The following OR52N4 variants were observed in gnomAD, a reference collection of about 807,000 sequenced individuals.
OR52N4 encodes olfactory receptor family 52 subfamily N member 4.
Under a neutral mutation model 15.0 loss-of-function variants are expected in OR52N4, and 15 were observed. That is an observed-to-expected ratio of 1.00 (90% confidence interval 0.67 to 1.54). The LOEUF is 1.54. Among genes scored for constraint, OR52N4 ranks in the 40% most tolerant of loss-of-function variants. The probability of loss-of-function intolerance (pLI) is 0.00; values close to 1 mark genes in which losing one functional copy is unlikely to be tolerated. For synonymous variants in OR52N4, 143 were observed against 143.7 expected (o/e 1.00, Z 0.03); for missense variants, 421 against 394.0 (o/e 1.07, Z -0.58).
chr11:5,736,479 G>C, the OR52N4 span: 1 of 1,597,474 alleles, frequency 6.3e-7, no homozygotes. Flanking sequence ...TGATAACTGA[G>C]AACAATACAA....
chr11:5,746,498 T>C, the OR52N4 span, among the ~76,000 whole-genome samples: 1 of 152,110 alleles, frequency 6.6e-6, no homozygotes, highest in East Asian at 1.9e-4. Context: ...CACAAACATA[T>C]GTATATGCTC....
chr11:5,743,256 G>A, the OR52N4 span, among the ~76,000 whole-genome samples: 16 of 152,212 alleles, frequency 1.1e-4, no homozygotes, highest in East Asian at 3.1e-3. Context: ...TTGGACCTAA[G>A]TAAAGTGGTA....
the OR52N4 span, among the ~76,000 whole-genome samples, chr11:5,746,395 A>G: frequency 1.3e-5 from 2 of 152,216 alleles, no homozygotes; most frequent in African/African-American, 4.8e-5. Flanking sequence ...TTGGCAAAGT[A>G]TGCATCTAAC....
the OR52N4 span, among the ~76,000 whole-genome samples, chr11:5,741,261 A>G: frequency 1.3e-5 from 2 of 152,204 alleles, no homozygotes; most frequent in Non-Finnish European, 2.9e-5. Flanking sequence ...AATCAAGAGG[A>G]TAAGATCTTA....
At chr11:5,746,251 C>T in the OR52N4 span, among the ~76,000 whole-genome samples, 120,232 of 152,118 alleles carry the variant, frequency 0.79, 48,138 homozygotes, top group Non-Finnish European at 0.86. Context: ...AAAGAATTTA[C>T]GAGTAAGTTG....
At chr11:5,754,601 A>T in intron 1 of OR52N4, 92 bp from the exon 2 acceptor site, 2 of 865,322 alleles carry the variant, frequency 2.3e-6, no homozygotes, top group Middle Eastern at 3.5e-4. Flanking sequence ...TTGTTGGACC[A>T]TTAAAATGCA....
chr11:5,735,752 A>G, the OR52N4 span, among the ~76,000 whole-genome samples: 1 of 152,182 alleles, frequency 6.6e-6, no homozygotes, highest in East Asian at 1.9e-4. Context: ...TTGAGCATTG[A>G]ATGGCAATTC....
chr11:5,751,282 G>A (rs1441037621), upstream of OR52N4, among the ~76,000 whole-genome samples: 1 of 151,650 alleles, frequency 6.6e-6, no homozygotes, highest in Non-Finnish European at 1.5e-5. Context: ...AAAATTAGTT[G>A]GAATTATTTC....
Position 5,754,684 on chromosome 11 carries a change from T to TTTTA in OR52N4, c.-48-9_-48-8insTTTA. 6.7e-7 allele frequency: 1 copy of TTTTA among 1,487,990 alleles called. No homozygotes were observed. The highest frequency in any genetic ancestry group is 9.0e-7 in the Non-Finnish European group (1 of 1,112,950). 92.2% of individuals were successfully genotyped at this position (1,487,990 alleles called of 1,614,324 possible). A position where few individuals can be genotyped will look rare whatever the true frequency, so the allele number is the denominator to read the frequency against. On this transcript the variant is annotated splice_polypyrimidine_tract_variant and intron_variant, in intron 1 of 1. Transcript: ENST00000641350. ...CTATATTTTCTCTTGTTTTTTTTTT[T>TTTTA]AACTCTAGGAAAGCCCAGACAAATT... is the stretch of plus-strand genomic sequence containing the variant.
chr11:5,737,150 G>T, the OR52N4 span: 1 of 1,613,948 alleles, frequency 6.2e-7, no homozygotes, highest in Non-Finnish European at 8.5e-7. Context: ...GTTGGTTCTG[G>T]CATGGCTTGG....
At chr11:5,750,041 T>C (rs1254655597), upstream of OR52N4, among the ~76,000 whole-genome samples, 2 of 151,952 alleles carry the variant, frequency 1.3e-5, no homozygotes. Context: ...TAAATTGTTG[T>C]GTAAGCATAA....
At chr11:5,732,108 C>T in the OR52N4 span, among the ~76,000 whole-genome samples, 6 of 152,200 alleles carry the variant, frequency 3.9e-5, no homozygotes, top group South Asian at 1.2e-3. Flanking sequence ...GTGGTCACCA[C>T]GTTGTACAAT....
At chr11:5,737,414 T>C in the OR52N4 span, 4 of 1,614,096 alleles carry the variant, frequency 2.5e-6, no homozygotes, top group East Asian at 6.7e-5. Flanking sequence ...CCCTACAGTT[T>C]ATGCACTTCA....
the OR52N4 span, among the ~76,000 whole-genome samples, chr11:5,748,369 A>G: frequency 1.3e-5 from 2 of 150,164 alleles, no homozygotes; most frequent in Admixed American, 1.4e-4. Flanking sequence ...CATAAAATGG[A>G]TATAATTTAT....
chr11:5,737,382 A>T, the OR52N4 span: 1 of 1,614,102 alleles, frequency 6.2e-7, no homozygotes, highest in Admixed American at 1.7e-5. Context: ...GTGTTGCACA[A>T]CATCATCCCC....
intron 1 of OR52N4, 36 bp from the exon 2 acceptor site, chr11:5,754,657 A>G: frequency 7.2e-7 from 1 of 1,393,396 alleles, no homozygotes; most frequent in Non-Finnish European, 9.7e-7. Context: ...AGTAAAAATA[A>G]CCTATATTTT....
the OR52N4 span, among the ~76,000 whole-genome samples, chr11:5,731,010 G>T: frequency 1.3e-5 from 2 of 152,032 alleles, no homozygotes; most frequent in Non-Finnish European, 2.9e-5. Context: ...TCTGTTCCTT[G>T]TAAGAGTAAG....
the OR52N4 span, among the ~76,000 whole-genome samples, chr11:5,734,595 T>C: frequency 2.3e-4 from 35 of 152,244 alleles, no homozygotes; most frequent in African/African-American, 7.7e-4. Flanking sequence ...AGCTCAAACA[T>C]ACTACTTCTC....
chr11:5,752,443 G>A (rs1255307411), upstream of OR52N4, among the ~76,000 whole-genome samples: 1 of 152,130 alleles, frequency 6.6e-6, no homozygotes, highest in African/African-American at 2.4e-5. Flanking sequence ...TGGAGGTTAG[G>A]ATGAATACCT....
Sources: allele counts gnomAD v4.1 joint callset (sites outside exome capture counted in the v4.1 genomes callset), GRCh38; gene constraint gnomAD v4.1.1; transcripts MANE v1.5; gene names NCBI Gene and HGNC (gene_info 2026-07-23, HGNC 2026-07-21).